Variants in OGG1 observed in about 807,000 individuals in gnomAD.
OGG1 encodes the protein 8-oxoguanine DNA glycosylase.
OGG1 carries 35 observed loss-of-function variants against 42.3 expected under a neutral mutation model. The observed-to-expected ratio is 0.83, with a 90% CI of 0.63 to 1.10. The LOEUF (loss-of-function observed/expected upper bound fraction) is 1.10, where lower values mean the gene tolerates loss of function less well. OGG1 is among the 50% of genes least tolerant of loss of function. The probability of loss-of-function intolerance (pLI) is 0.00; values close to 1 mark genes in which losing one functional copy is unlikely to be tolerated. For synonymous variants in OGG1, 189 were observed against 179.0 expected (o/e 1.06, Z -0.44); for missense variants, 484 against 446.7 (o/e 1.08, Z -0.75).
downstream of OGG1, chr3:9,760,829 G>A (rs2077827506): frequency 1.9e-6 from 3 of 1,605,482 alleles, no homozygotes; most frequent in African/African-American, 4.0e-5. Context: ...CCGGGGTGGA[G>A]CACTGGGGCA....
intron 3 of OGG1, chr3:9,784,263 G>A: frequency 6.4e-7 from 1 of 1,572,388 alleles, no homozygotes; most frequent in Non-Finnish European, 8.7e-7. Context: ...TTGGAGAAGG[G>A]CCCACCTTGG....
At chr3:9,766,431 C>A in exon 8 of OGG1, 1 of 446,808 alleles carries the variant, frequency 2.2e-6, no homozygotes, top group South Asian at 2.1e-5. Context: ...CAGCATCACC[C>A]GGGAACTTTT....
exon 8 of OGG1, chr3:9,766,028 C>T: frequency 6.2e-7 from 1 of 1,612,234 alleles, no homozygotes; most frequent in Non-Finnish European, 8.5e-7. Context: ...TCATCCATCC[C>T]CTGGCTCCAG....
rs2077584702 is a variant in OGG1, at chr3:9,756,766, G to A, written c.899-1G>A. ...ACTTAGTCTCATCACTTCTGATTTAGGAAACTTTTTCCGGAGCCTGTGGGG... is the reference window on the plus strand; with the variant it reads ...ACTTAGTCTCATCACTTCTGATTTAAGAAACTTTTTCCGGAGCCTGTGGGG... On this transcript the variant is annotated splice_acceptor_variant, in intron 5 of 6. Coordinates refer to ENST00000344629, the MANE Select transcript of OGG1 (RefSeq NM_002542.6). LOFTEE classifies it high-confidence loss of function. 1.2e-6 allele frequency: 2 copies of A among 1,614,024 alleles called. No homozygotes were observed. The highest frequency in any genetic ancestry group is 2.2e-5 in the South Asian group (2 of 91,080).
chr3:9,752,651 A>C (rs529825439), intron 3 of OGG1, among the ~76,000 whole-genome samples: 29 of 152,300 alleles, frequency 1.9e-4, no homozygotes, highest in African/African-American at 6.7e-4. Context: ...TACAGAGGCA[A>C]GTGTATCGAT....
chr3:9,750,374 C>T lies in OGG1; in HGVS notation c.88C>T (p.Arg30Cys). Residue 30 changes from arginine (R) to cysteine (C), a missense_variant, in exon 1 of 7, where the codon CGC (arginine) becomes TGC (cysteine). Transcript: ENST00000344629. ...CCTGTGGGCCTCCATCCCGTGCCCT[C>T]GCTCTGAGCTGCGCCTGGACCTGGT... ...PALWASIPCPRSELRLDLVLP... is the reference protein window; with the variant it reads ...PALWASIPCPCSELRLDLVLP... 3 of 1,614,084 alleles carry T rather than the reference C, an allele frequency of 1.9e-6. No individual in the cohort carries two copies. Among genetic ancestry groups the T allele is most frequent in the Non-Finnish European group, 2.5e-6 (3 of 1,180,028 alleles).
At chr3:9,759,954 A>T (rs982121539), downstream of OGG1, 10 of 698,708 alleles carry the variant, frequency 1.4e-5, no homozygotes, top group Non-Finnish European at 1.8e-5. Context: ...TCTTAAGAAA[A>T]ACATATGGCC....
rs1310854701 is a variant in OGG1, at chr3:9,764,611, G to GTTTTTTT, written c.1049-1193_1049-1192insTTTTTTT. Among the ~76,000 whole-genome samples, 10 of 125,144 alleles carry GTTTTTTT rather than the reference G, an allele frequency of 8.0e-5. 1 individual carries two copies. Among genetic ancestry groups the GTTTTTTT allele is most frequent in the Non-Finnish European group, 9.7e-5 (6 of 61,612 alleles). 82.1% of individuals were successfully genotyped at this position (125,144 alleles called of 152,430 possible). Reference sequence around the variant, plus strand: ...ACAGGCGTGAGCCACTGCGCCTGGCGTTTTTGTTTTTTTTTTGTTTTTTTT... The same window carrying GTTTTTTT: ...ACAGGCGTGAGCCACTGCGCCTGGCGTTTTTTTTTTTTGTTTTTTTTTTGTTTTTTTT... On this transcript the variant is annotated intron_variant, in intron 7 of 7. Transcript: ENST00000302008.
intron 2 of OGG1, among the ~76,000 whole-genome samples, 161 bp from the exon 3 acceptor site, chr3:9,751,609 A>G (rs1429358464): frequency 1.3e-5 from 2 of 152,162 alleles, no homozygotes; most frequent in Admixed American, 6.5e-5. Context: ...ACAAGATGCT[A>G]TGAGGAATGA....
intron 7 of OGG1, chr3:9,762,879 G>A (rs1218738167): frequency 1.2e-6 from 2 of 1,609,980 alleles, no homozygotes; most frequent in East Asian, 2.2e-5. Flanking sequence ...CCCACCCCTG[G>A]GTACCCTAGC....
intron 4 of OGG1, among the ~76,000 whole-genome samples, chr3:9,755,624 C>T (rs1213686241): frequency 2.0e-5 from 3 of 152,018 alleles, no homozygotes; most frequent in Non-Finnish European, 4.4e-5. Flanking sequence ...CCACCACACC[C>T]AGCTAATTTT....
At chr3:9,757,814 G>A (rs1448970084), downstream of OGG1, 1 of 1,611,998 alleles carries the variant, frequency 6.2e-7, no homozygotes, top group African/African-American at 1.3e-5. This position sits in a 1 kb window ranked among gnomAD's most constrained non-coding sequence, Gnocchi z 4.5. Context: ...GTTTCCTCAT[G>A]TGCCGCACCA....
chr3:9,756,003 C>A (rs1026030549), intron 4 of OGG1, among the ~76,000 whole-genome samples: 10 of 152,176 alleles, frequency 6.6e-5, no homozygotes, highest in African/African-American at 2.4e-4. Flanking sequence ...GCTAGTAGCA[C>A]CTCTTATTAC....
chr3:9,759,151 T>A (rs370507027), downstream of OGG1: 27 of 1,511,972 alleles, frequency 1.8e-5, no homozygotes, highest in East Asian at 2.0e-4. Context: ...TAGACATTAT[T>A]CCGCTATGCC....
At chr3:9,787,101 C>A in intron 3 of OGG1, 1 of 1,614,208 alleles carries the variant, frequency 6.2e-7, no homozygotes, top group Non-Finnish European at 8.5e-7. Context: ...TTCAGCAGGG[C>A]ATCCACATCT....
chr3:9,766,518 C>T (rs1660988585), exon 8 of OGG1: 2 of 421,050 alleles, frequency 4.8e-6, no homozygotes, highest in Non-Finnish European at 8.1e-6. Context: ...AAACTTTAGG[C>T]CCTGCCCCAG....
At chr3:9,754,633 T>C in intron 3 of OGG1, 71 bp from the exon 4 acceptor site, 1 of 1,532,304 alleles carries the variant, frequency 6.5e-7, no homozygotes, top group South Asian at 1.2e-5. Context: ...GGTAGAGAGC[T>C]CACTTACTAG....
At chr3:9,787,748 A>G (rs529076312) in exon 4 of OGG1, 27 of 1,273,656 alleles carry the variant, frequency 2.1e-5, no homozygotes, top group South Asian at 7.4e-5. Context: ...AAGAAATCAG[A>G]TAAGTGAAGT....
chr3:9,750,718 C>G (rs1559679492), intron 1 of OGG1: 5 of 680,544 alleles, frequency 7.3e-6, no homozygotes, highest in African/African-American at 4.0e-5. Flanking sequence ...CCAGCCTCGA[C>G]CCCCCGGGCG....
Sources: gnomAD v4.1 joint callset for allele counts (sites outside exome capture counted in the v4.1 genomes callset) on GRCh38, gnomAD v4.1.1 for gene constraint, Gnocchi (gnomAD v3.1) non-coding constraint, MANE v1.5 for transcripts, NCBI Gene and HGNC (gene_info 2026-07-23, HGNC 2026-07-21) for gene names.